RYR3: variants seen among roughly 807,000 people sequenced by gnomAD.
The protein encoded by RYR3 is brain ryanodine receptor-calcium release channel.
A neutral mutation model predicts 584.3 loss-of-function variants in RYR3; 207 were observed. The observed-to-expected ratio is 0.35, with a 90% confidence interval of 0.32 to 0.40. The LOEUF is 0.40. Among genes scored for constraint, RYR3 ranks in the 10% least tolerant of loss-of-function variants. The probability of loss-of-function intolerance (pLI) is 1.00; values close to 1 mark genes in which losing one functional copy is unlikely to be tolerated. For missense variants in RYR3, 5,616 were observed against 6,089.2 expected (o/e 0.92, Z 2.59); for synonymous variants, 2,416 against 2,248.5 (o/e 1.07, Z -2.11).
chr15:33,748,014 C>A, intron 53 of RYR3, 100 bp from the exon 54 acceptor site: 1 of 1,082,878 alleles, frequency 9.2e-7, no homozygotes, highest in Non-Finnish European at 1.4e-6. Context: ...TGCTAACTAG[C>A]ACCCCCACCC....
At chr15:33,540,137 G>A (rs765237499) in intron 6 of RYR3, among the ~76,000 whole-genome samples, 2 of 152,092 alleles carry the variant, frequency 1.3e-5, no homozygotes, top group Admixed American at 6.6e-5. Flanking sequence ...TGCCCCAAGC[G>A]CTATATGCAC....
At chr15:33,739,108 A>C (rs1314207588) in intron 50 of RYR3, among the ~76,000 whole-genome samples, 1 of 152,150 alleles carries the variant, frequency 6.6e-6, no homozygotes, top group Non-Finnish European at 1.5e-5. Flanking sequence ...CCTTACTTGA[A>C]CGGTGTGATT....
At chr15:33,806,340 A>T (rs753333982) in intron 69 of RYR3, among the ~76,000 whole-genome samples, 1 of 152,202 alleles carries the variant, frequency 6.6e-6, no homozygotes, top group African/African-American at 2.4e-5. Flanking sequence ...TTTTGAAGGT[A>T]TAAGAATCTG....
In RYR3 at chr15:33,853,631, A is replaced by G. The variant is rs1334418382; in HGVS notation, c.13748A>G (p.Asp4583Gly). The change falls in exon 96 of 104, where the codon GAC becomes GGC. Residue 4583 changes from aspartate (D) to glycine (G), a missense_variant. Transcript: ENST00000634891. ...ELLGLDKNAL[D>G]FSPVEETKAE... Reference sequence around the variant, plus strand: ...CTGGGTTTGGACAAAAATGCTCTTGACTTTAGCCCAGTAGAAGAGACCAAA... The same window carrying G: ...CTGGGTTTGGACAAAAATGCTCTTGGCTTTAGCCCAGTAGAAGAGACCAAA... The G allele has an allele frequency of 6.2e-7, 1 of 1,613,990 alleles. No homozygotes were observed. The highest frequency in any genetic ancestry group is 2.2e-5 in the East Asian group (1 of 44,882).
At chr15:33,521,027 G>A (rs2053941439) in intron 3 of RYR3, among the ~76,000 whole-genome samples, 1 of 152,128 alleles carries the variant, frequency 6.6e-6, no homozygotes, top group Non-Finnish European at 1.5e-5. Context: ...TTAAAGTCTT[G>A]GAAGGCAGGA....
intron 73 of RYR3, among the ~76,000 whole-genome samples, 155 bp downstream of exon 73, chr15:33,813,149 A>T (rs1413090694): frequency 6.6e-6 from 1 of 152,170 alleles, no homozygotes; most frequent in Non-Finnish European, 1.5e-5. Context: ...TGCCATCTCG[A>T]TGCCCTGTGA....
At chr15:33,467,487 A>G in intron 1 of RYR3, 2 of 984,934 alleles carry the variant, frequency 2.0e-6, no homozygotes, top group Non-Finnish European at 2.4e-6. Context: ...CTGCGAGCCA[A>G]GGTATAAGAA....
At chr15:33,666,885 C>T (rs1044183074) in intron 36 of RYR3, among the ~76,000 whole-genome samples, 14 of 152,200 alleles carry the variant, frequency 9.2e-5, no homozygotes, top group Non-Finnish European at 1.5e-4. Flanking sequence ...GGCAAGGAAG[C>T]CCCTGCTTCC....
chr15:33,693,252 G>T (rs1357664182), intron 38 of RYR3, among the ~76,000 whole-genome samples: 3 of 152,228 alleles, frequency 2.0e-5, no homozygotes, highest in Admixed American at 2.0e-4. Flanking sequence ...GATGCTGCAT[G>T]CCTGGTGCCC....
intron 1 of RYR3, among the ~76,000 whole-genome samples, chr15:33,320,493 G>T (rs1434529545): frequency 6.6e-6 from 1 of 152,210 alleles, no homozygotes; most frequent in Non-Finnish European, 1.5e-5. Flanking sequence ...CTTAATGTTT[G>T]TTGTTTTTGA....
intron 17 of RYR3, among the ~76,000 whole-genome samples, chr15:33,602,452 C>T (rs758129140): frequency 4.6e-5 from 7 of 152,064 alleles, no homozygotes; most frequent in African/African-American, 7.2e-5. Context: ...AATAATGCTT[C>T]GGTAACAAAG....
chr15:33,696,981 A>C (rs182660073), intron 39 of RYR3, among the ~76,000 whole-genome samples: 82 of 152,350 alleles, frequency 5.4e-4, no homozygotes, highest in Admixed American at 2.0e-3. Context: ...TAGTCAAAAA[A>C]AATTCATAGC....
intron 36 of RYR3, among the ~76,000 whole-genome samples, chr15:33,663,954 C>A (rs11637619): frequency 7.2e-5 from 11 of 152,120 alleles, no homozygotes; most frequent in Admixed American, 2.0e-4. Flanking sequence ...AAACTGCACA[C>A]GTGGCAGGGC....
chr15:33,678,286 G>C (rs77760218), intron 38 of RYR3, among the ~76,000 whole-genome samples: 7 of 152,256 alleles, frequency 4.6e-5, no homozygotes, highest in African/African-American at 9.6e-5. Context: ...TGAATCATGG[G>C]GGGGAGACTT....
At chr15:33,765,660 A>G (rs531552009) in intron 60 of RYR3, among the ~76,000 whole-genome samples, 19 of 150,606 alleles carry the variant, frequency 1.3e-4, no homozygotes, top group African/African-American at 4.4e-4. Flanking sequence ...AAAAAAGAAA[A>G]TAGTCTAAAT....
chr15:33,523,560 C>T (rs1263009188), intron 3 of RYR3, among the ~76,000 whole-genome samples: 1 of 152,102 alleles, frequency 6.6e-6, no homozygotes, highest in Non-Finnish European at 1.5e-5. Context: ...ACTATCTGTC[C>T]ACCCCTCCTG....
chr15:33,837,241 A>G (rs888289679), intron 88 of RYR3, among the ~76,000 whole-genome samples: 2 of 152,148 alleles, frequency 1.3e-5, no homozygotes, highest in African/African-American at 2.4e-5. Context: ...GCTCTTCCCT[A>G]TCCTCTCCCT....
intron 60 of RYR3, among the ~76,000 whole-genome samples, chr15:33,766,402 CA>C (rs1357030311): frequency 3.3e-5 from 5 of 152,122 alleles, no homozygotes; most frequent in Admixed American, 2.6e-4. Flanking sequence ...CCCATGCTAT[CA>C]AAATGAGATA....
rs543832512 is a variant in RYR3 at position 33,390,724 on chromosome 15, G to A, written c.51+79628G>A. 4.6e-5 allele frequency among the ~76,000 whole-genome samples: 7 copies of A among 152,196 alleles called. No individual in the cohort carries two copies. Among genetic ancestry groups the A allele is most frequent in the East Asian group, 3.9e-4 (2 of 5,168 alleles). The stretch of plus-strand genomic sequence containing the variant: ...TTGCACAAACAATGTGATTTATGCC[G>A]AACACCTGCTTAGTTCTGGGAATCT... On this transcript the variant is annotated intron_variant, in intron 1 of 103. Coordinates refer to ENST00000634891, the MANE Select transcript of RYR3 (RefSeq NM_001036.6). This position sits in a 1 kb window ranked among gnomAD's most constrained non-coding sequence, Gnocchi z 4.2.
Sources: gnomAD v4.1 joint callset for allele counts (sites outside exome capture counted in the v4.1 genomes callset) on GRCh38, gnomAD v4.1.1 for gene constraint, Gnocchi (gnomAD v3.1) non-coding constraint, MANE v1.5 for transcripts, NCBI Gene and HGNC (gene_info 2026-07-23, HGNC 2026-07-21) for gene names.